Variants in GRB10 observed in about 807,000 individuals in gnomAD.
GRB10 encodes the protein growth factor receptor-bound protein 10.
Under a neutral mutation model 80.9 loss-of-function variants are expected in GRB10, and 20 were observed. That is an observed-to-expected ratio of 0.25 (90% CI 0.17 to 0.36). The LOEUF is 0.36. Ranked by LOEUF, GRB10 falls within the 10% of genes least tolerant of loss-of-function variation. GRB10 has a pLI of 1.00. For synonymous variants in GRB10, 291 were observed against 291.5 expected (o/e 1.00, Z 0.02); for missense variants, 548 against 747.7 (o/e 0.73, Z 3.12).
chr7:50,659,398 C>T (rs1043125263), intron 7 of GRB10, among the ~76,000 whole-genome samples: 3 of 152,154 alleles, frequency 2.0e-5, no homozygotes, highest in Non-Finnish European at 2.9e-5. Flanking sequence ...ACTCAAACCA[C>T]GGAGAGCTGA....
chr7:50,748,101 C>T (rs1264413235), intron 3 of GRB10, among the ~76,000 whole-genome samples: 2 of 152,176 alleles, frequency 1.3e-5, no homozygotes, highest in Admixed American at 1.3e-4. Flanking sequence ...ATGCTGGTGA[C>T]ACTGTTATTT....
At chr7:50,743,572 T>A (rs2072288327) in intron 3 of GRB10, among the ~76,000 whole-genome samples, 1 of 152,154 alleles carries the variant, frequency 6.6e-6, no homozygotes, top group South Asian at 2.1e-4. Context: ...TGAGAAAGAA[T>A]CCAAGTAACT....
chr7:50,683,791 G>C (rs984702229), intron 5 of GRB10, among the ~76,000 whole-genome samples: 1 of 152,094 alleles, frequency 6.6e-6, no homozygotes, highest in Non-Finnish European at 1.5e-5. Context: ...GTGGTAAATT[G>C]TGTTAGGTAT....
At chr7:50,638,996 C>T (rs1436313459) in intron 7 of GRB10, among the ~76,000 whole-genome samples, 1 of 152,150 alleles carries the variant, frequency 6.6e-6, no homozygotes, top group Non-Finnish European at 1.5e-5. Context: ...AACAAAGAAG[C>T]AAATACTACA....
At chr7:50,731,586 C>A (rs1001191823) in intron 4 of GRB10, among the ~76,000 whole-genome samples, 1 of 152,084 alleles carries the variant, frequency 6.6e-6, no homozygotes, top group Admixed American at 6.5e-5. Flanking sequence ...TCTAAAGAAC[C>A]AAAGACCATC....
chr7:50,755,745 T>C (rs2153703214), intron 3 of GRB10, 142 bp downstream of exon 3: 3 of 396,800 alleles, frequency 7.6e-6, no homozygotes, highest in East Asian at 7.1e-5. Flanking sequence ...GGAGACTCTC[T>C]TTGGGAACCT....
At chr7:50,732,470 G>T in intron 3 of GRB10, 102 bp from the exon 4 acceptor site, 2 of 755,228 alleles carry the variant, frequency 2.6e-6, no homozygotes, top group African/African-American at 1.8e-5. Flanking sequence ...GGCAGCTCTT[G>T]GTCTTAGCTT....
intron 7 of GRB10, among the ~76,000 whole-genome samples, chr7:50,650,842 C>T (rs988161242): frequency 2.0e-5 from 3 of 146,588 alleles, no homozygotes; most frequent in African/African-American, 7.6e-5. Context: ...GTAGGAAAAT[C>T]TCCTGGGAGA....
At chr7:50,627,022 C>T in intron 7 of GRB10, 44 bp from the exon 8 acceptor site, 1 of 1,597,354 alleles carries the variant, frequency 6.3e-7, no homozygotes, top group Non-Finnish European at 8.6e-7. Context: ...CAACTTCGGG[C>T]TTTCAAGAAA....
intron 4 of GRB10, among the ~76,000 whole-genome samples, chr7:50,717,759 C>T (rs900064962): frequency 6.6e-6 from 1 of 152,244 alleles, no homozygotes; most frequent in Admixed American, 6.5e-5. Flanking sequence ...TGCTTTTTAG[C>T]ACCACTTAGC....
intron 7 of GRB10, among the ~76,000 whole-genome samples, chr7:50,663,757 A>G (rs1338817294): frequency 1.3e-5 from 2 of 152,220 alleles, no homozygotes; most frequent in African/African-American, 4.8e-5. Context: ...GATTCGGGCC[A>G]TCATCCCAGC....
At chr7:50,604,247 G>A in intron 16 of GRB10, 64 bp downstream of exon 16, 3 of 1,408,806 alleles carry the variant, frequency 2.1e-6, no homozygotes, top group South Asian at 1.2e-5. Flanking sequence ...CTGAGGGGGA[G>A]TGGAGGGGGG....
intron 7 of GRB10, among the ~76,000 whole-genome samples, chr7:50,646,668 T>C (rs962426510): frequency 6.6e-6 from 1 of 152,194 alleles, no homozygotes. Flanking sequence ...CCTGACTGAA[T>C]GAACCAGCTT....
chr7:50,717,264 G>A (rs148131427), intron 4 of GRB10, among the ~76,000 whole-genome samples: 5 of 152,316 alleles, frequency 3.3e-5, no homozygotes, highest in Admixed American at 6.5e-5. Context: ...CCACTCAGAG[G>A]TGAACCTACT....
chr7:50,720,757 CCT>C (rs2067591349), intron 4 of GRB10, among the ~76,000 whole-genome samples: 2 of 151,522 alleles, frequency 1.3e-5, no homozygotes, highest in Admixed American at 1.3e-4. Flanking sequence ...TTTTAAGGTT[CCT>C]CTCTCTGCCA....
intron 17 of GRB10, among the ~76,000 whole-genome samples, chr7:50,601,867 A>G (rs2047675390): frequency 6.6e-6 from 1 of 152,238 alleles, no homozygotes; most frequent in Non-Finnish European, 1.5e-5. Context: ...CCTGTGAGAA[A>G]TGCATCATTT....
Position 50,593,225 on chromosome 7 carries a change from G to A in GRB10, c.1639-127C>T, listed in dbSNP as rs960496685. ...CCAGAGGGACACACAGGGCAAGGTA[G>A]GCTAGAAAACACCAGGGGCGGGAAA... On this transcript the variant is annotated intron_variant, in intron 18 of 18. Coordinates refer to ENST00000401949, the MANE Select transcript of GRB10 (RefSeq NM_001350814.2). The A allele has an allele frequency of 1.5e-5, 17 of 1,104,300 alleles. No individual in the cohort carries two copies. In the African/African-American group the frequency reaches 2.4e-4, roughly 16 times the overall value. 68.4% of individuals were successfully genotyped at this position (1,104,300 alleles called of 1,614,324 possible).
At chr7:50,765,545 A>G (rs2076254358) in intron 2 of GRB10, among the ~76,000 whole-genome samples, 3 of 152,230 alleles carry the variant, frequency 2.0e-5, no homozygotes, top group Middle Eastern at 3.2e-3. Context: ...ACAGGCATAG[A>G]AAGACATATG....
At chr7:50,701,208 T>C (rs1387888269) in intron 5 of GRB10, among the ~76,000 whole-genome samples, 1 of 152,240 alleles carries the variant, frequency 6.6e-6, no homozygotes, top group Admixed American at 6.5e-5. Context: ...CTAATATTTT[T>C]AAATACACAA....
Sources: gnomAD v4.1 joint callset for allele counts (sites outside exome capture counted in the v4.1 genomes callset) on GRCh38, gnomAD v4.1.1 for gene constraint, MANE v1.5 for transcripts, NCBI Gene and HGNC (gene_info 2026-07-23, HGNC 2026-07-21) for gene names.